The following NAALADL2 variants were observed in gnomAD, a reference collection of about 807,000 sequenced individuals.
The protein encoded by NAALADL2 is N-acetylated alpha-linked acidic dipeptidase like 2.
In NAALADL2, 76 loss-of-function variants were observed where a neutral mutation model predicts 87.2. The ratio of observed to expected loss-of-function variants is 0.87; its 90% confidence interval spans 0.72 to 1.05. The LOEUF (loss-of-function observed/expected upper bound fraction) is 1.05. Among genes scored for constraint, NAALADL2 ranks in the 50% least tolerant of loss-of-function variants. The pLI is 0.00. For synonymous variants in NAALADL2, 354 were observed against 331.0 expected (o/e 1.07, Z -0.75); for missense variants, 1,089 against 945.8 (o/e 1.15, Z -1.99).
intron 5 of NAALADL2, among the ~76,000 whole-genome samples, chr3:175,417,549 TCA>T (rs374718522): frequency 1.8e-3 from 278 of 152,206 alleles, no homozygotes; most frequent in Non-Finnish European, 3.4e-3. Context: ...AGTAATTATC[TCA>T]GTTTTAGAAT....
chr3:175,335,028 C>T (rs1202185711), intron 5 of NAALADL2, among the ~76,000 whole-genome samples: 3 of 152,072 alleles, frequency 2.0e-5, no homozygotes, highest in Non-Finnish European at 4.4e-5. Context: ...CAGTGGGAAG[C>T]TATCTGCTGA....
intron 2 of NAALADL2, among the ~76,000 whole-genome samples, chr3:174,653,386 C>CTTCA (rs1724579355): frequency 6.6e-6 from 1 of 152,084 alleles, no homozygotes; most frequent in South Asian, 2.1e-4. Context: ...AGCTTTTGTT[C>CTTCA]TTCATATTCA....
At chr3:174,663,119 T>G (rs1226670680) in intron 2 of NAALADL2, among the ~76,000 whole-genome samples, 1 of 152,168 alleles carries the variant, frequency 6.6e-6, no homozygotes, top group African/African-American at 2.4e-5. Context: ...CATTGGCATT[T>G]AAAAACATAA....
chr3:174,997,324 A>C (rs1318732324), intron 1 of NAALADL2, among the ~76,000 whole-genome samples: 1 of 151,998 alleles, frequency 6.6e-6, no homozygotes, highest in African/African-American at 2.4e-5. Context: ...CATTACATCC[A>C]CACCAACATC....
chr3:174,599,411 A>G (rs1351302870), intron 2 of NAALADL2, among the ~76,000 whole-genome samples: 2 of 152,164 alleles, frequency 1.3e-5, no homozygotes, highest in African/African-American at 4.8e-5. Context: ...TCCCTAACAC[A>G]TAATTATTCA....
intron 11 of NAALADL2, among the ~76,000 whole-genome samples, chr3:175,735,841 AT>A (rs1461007789): frequency 6.6e-6 from 1 of 152,202 alleles, no homozygotes; most frequent in African/African-American, 2.4e-5. Flanking sequence ...TTGAATATAT[AT>A]ATTTGGATAT....
At chr3:175,707,242 G>A (rs933236177) in intron 11 of NAALADL2, among the ~76,000 whole-genome samples, 6 of 152,078 alleles carry the variant, frequency 3.9e-5, no homozygotes, top group South Asian at 4.1e-4. Context: ...TGGCACAAAA[G>A]CAATCAAACA....
chr3:175,209,920 G>A (rs77182458), intron 2 of NAALADL2, among the ~76,000 whole-genome samples: 14,213 of 151,682 alleles, frequency 0.094, 843 homozygotes, highest in East Asian at 0.2. Flanking sequence ...ACAAGTCTTC[G>A]TTTTCAATAA....
intron 2 of NAALADL2, among the ~76,000 whole-genome samples, chr3:174,604,273 T>C (rs1446822257): frequency 6.6e-6 from 1 of 152,184 alleles, no homozygotes; most frequent in Non-Finnish European, 1.5e-5. Flanking sequence ...ATGTTTAAAA[T>C]TGTTATATCA....
At chr3:174,554,626 C>T (rs1712535233) in intron 2 of NAALADL2, among the ~76,000 whole-genome samples, 1 of 151,908 alleles carries the variant, frequency 6.6e-6, no homozygotes, top group Non-Finnish European at 1.5e-5. Context: ...AGAAATAGTA[C>T]TGATAAATTA....
chr3:174,864,846 T>G (rs1383256192), intron 1 of NAALADL2, among the ~76,000 whole-genome samples: 1 of 151,986 alleles, frequency 6.6e-6, no homozygotes, highest in Non-Finnish European at 1.5e-5. Context: ...AAACATGTAT[T>G]TGATTTATTA....
chr3:174,996,178 C>T (rs1747426998), intron 1 of NAALADL2, among the ~76,000 whole-genome samples: 1 of 152,110 alleles, frequency 6.6e-6, no homozygotes, highest in African/African-American at 2.4e-5. Flanking sequence ...GTTCTATTTA[C>T]CTATAGTTCC....
chr3:175,799,390 CTAAAT>C (rs1343779616), intron 13 of NAALADL2, among the ~76,000 whole-genome samples: 1 of 151,936 alleles, frequency 6.6e-6, no homozygotes, highest in East Asian at 1.9e-4. Flanking sequence ...ATCTTGATTA[CTAAAT>C]GACTTTTTCA....
At chr3:175,716,485 C>T (rs1019265658) in intron 11 of NAALADL2, among the ~76,000 whole-genome samples, 4 of 151,752 alleles carry the variant, frequency 2.6e-5, no homozygotes, top group African/African-American at 4.8e-5. Flanking sequence ...GTGTTTGACA[C>T]GGAAGCTTGA....
At chr3:175,732,290 A>G (rs1035520372) in intron 11 of NAALADL2, among the ~76,000 whole-genome samples, 1 of 152,234 alleles carries the variant, frequency 6.6e-6, no homozygotes, top group African/African-American at 2.4e-5. Flanking sequence ...GGATTACGCA[A>G]TAACTCAATG....
intron 1 of NAALADL2, among the ~76,000 whole-genome samples, chr3:175,018,474 C>T (rs1751147345): frequency 6.6e-6 from 1 of 151,888 alleles, no homozygotes; most frequent in African/African-American, 2.4e-5. Flanking sequence ...TCAGAAAAAA[C>T]ATTCATTTTG....
At chr3:174,982,107 C>T (rs1745203216) in intron 1 of NAALADL2, among the ~76,000 whole-genome samples, 1 of 152,162 alleles carries the variant, frequency 6.6e-6, no homozygotes, top group African/African-American at 2.4e-5. Flanking sequence ...CTGGCAGTGT[C>T]TACAACATAC....
chr3:175,341,488 C>T (rs965019283), intron 5 of NAALADL2, among the ~76,000 whole-genome samples: 1 of 152,018 alleles, frequency 6.6e-6, no homozygotes, highest in African/African-American at 2.4e-5. Flanking sequence ...TTTGTGTGAA[C>T]ATATTATGCT....
At chr3:175,485,521 G>A (rs1220571212) in intron 9 of NAALADL2, among the ~76,000 whole-genome samples, 1 of 152,160 alleles carries the variant, frequency 6.6e-6, no homozygotes, top group Admixed American at 6.5e-5. Context: ...TCAGTCTGTG[G>A]CTGCAGGTCT....
Sources: gnomAD v4.1 joint callset for allele counts (sites outside exome capture counted in the v4.1 genomes callset) on GRCh38, gnomAD v4.1.1 for gene constraint, MANE v1.5 for transcripts, NCBI Gene and HGNC (gene_info 2026-07-23, HGNC 2026-07-21) for gene names.